The following FRMPD2 variants were observed in gnomAD, a reference collection of about 807,000 sequenced individuals.
The protein encoded by FRMPD2 is FERM and PDZ domain containing 2.
FRMPD2 carries 96 observed loss-of-function variants against 140.1 expected under a neutral mutation model. The ratio of observed to expected loss-of-function variants is 0.69; its 90% confidence interval spans 0.58 to 0.81. The LOEUF is 0.81. Among genes scored for constraint, FRMPD2 ranks in the 40% least tolerant of loss-of-function variants. The pLI is 0.00. For missense variants in FRMPD2, 1,240 were observed against 1,447.4 expected (o/e 0.86, Z 2.32); for synonymous variants, 449 against 547.6 (o/e 0.82, Z 2.52).
chr10:48,176,883 CA>C (rs1838423053), intron 22 of FRMPD2, among the ~76,000 whole-genome samples: 1 of 151,950 alleles, frequency 6.6e-6, no homozygotes, highest in South Asian at 2.1e-4. Context: ...GCTTAGGGTC[CA>C]AGAAAACACA....
intron 12 of FRMPD2, among the ~76,000 whole-genome samples, chr10:48,218,867 G>T (rs928737876): frequency 7.2e-5 from 11 of 152,186 alleles, no homozygotes; most frequent in African/African-American, 2.7e-4. Context: ...ATGCTGGGAG[G>T]CTGAGAAAGA....
intron 16 of FRMPD2, among the ~76,000 whole-genome samples, chr10:48,188,770 T>C (rs1423556833): frequency 1.3e-5 from 2 of 152,222 alleles, no homozygotes; most frequent in African/African-American, 4.8e-5. Flanking sequence ...CCTGGGTTTT[T>C]ATGACCCATG....
intron 28 of FRMPD2, chr10:48,159,174 G>A (rs1378424333): frequency 4.4e-6 from 2 of 456,280 alleles, no homozygotes; most frequent in Non-Finnish European, 8.8e-6. Flanking sequence ...TGACACAGCT[G>A]GGAGCCCCAG....
chr10:48,243,504 C>G (rs1446513445), intron 4 of FRMPD2, among the ~76,000 whole-genome samples: 1 of 152,166 alleles, frequency 6.6e-6, no homozygotes, highest in Non-Finnish European at 1.5e-5. Flanking sequence ...ACAGTGATAG[C>G]AGAGCATTAA....
At chr10:48,222,622 C>A (rs1258595509) in intron 11 of FRMPD2, among the ~76,000 whole-genome samples, 171 bp from the exon 12 acceptor site, 4 of 152,210 alleles carry the variant, frequency 2.6e-5, no homozygotes, top group Non-Finnish European at 5.9e-5. Context: ...TGCATTTATA[C>A]CATGCCTCCT....
intron 16 of FRMPD2, 109 bp downstream of exon 16, chr10:48,192,575 A>G (rs1171664657): frequency 1.0e-6 from 1 of 1,002,668 alleles, no homozygotes; most frequent in East Asian, 2.6e-5. Context: ...GGGCAACAAG[A>G]GCAAAACTCA....
intron 14 of FRMPD2, among the ~76,000 whole-genome samples, chr10:48,203,549 G>T (rs1373052724): frequency 6.6e-6 from 1 of 152,084 alleles, no homozygotes; most frequent in East Asian, 1.9e-4. Flanking sequence ...TTCATGGCAG[G>T]TGCTTCTGTA....
chr10:48,237,892 C>T, intron 8 of FRMPD2, 99 bp downstream of exon 8: 1 of 1,412,858 alleles, frequency 7.1e-7, no homozygotes, highest in Non-Finnish European at 1.0e-6. Context: ...GGAAGTTGTC[C>T]CCTAGAAGAC....
intron 22 of FRMPD2, among the ~76,000 whole-genome samples, chr10:48,177,107 C>CT (rs797028246): frequency 0.055 from 7,165 of 130,662 alleles, 439 homozygotes; most frequent in African/African-American, 0.13. Context: ...TAATGGATCA[C>CT]TTTTTTTTTT....
chr10:48,263,663 C>T (rs1840634325), intron 1 of FRMPD2, among the ~76,000 whole-genome samples: 1 of 152,032 alleles, frequency 6.6e-6, no homozygotes, highest in South Asian at 2.1e-4. Context: ...TAATGGCCTT[C>T]CAAAACATAA....
At chr10:48,183,503 T>C (rs1002925568) in intron 20 of FRMPD2, among the ~76,000 whole-genome samples, 2 of 152,216 alleles carry the variant, frequency 1.3e-5, no homozygotes, top group East Asian at 1.9e-4. Flanking sequence ...ACTCTTTAGG[T>C]TGATCAGGAA....
chr10:48,182,437 T>G (rs1838574826), intron 20 of FRMPD2, among the ~76,000 whole-genome samples: 1 of 152,230 alleles, frequency 6.6e-6, no homozygotes, highest in Admixed American at 6.5e-5. Flanking sequence ...CCATGACAGA[T>G]GCTCATGATG....
chr10:48,170,628 G>A (rs1463072964), intron 26 of FRMPD2, among the ~76,000 whole-genome samples: 1 of 150,392 alleles, frequency 6.6e-6, no homozygotes, highest in Non-Finnish European at 1.5e-5. Context: ...TGTATGAAAA[G>A]CTGTAAATGT....
intron 14 of FRMPD2, among the ~76,000 whole-genome samples, chr10:48,203,344 A>C (rs1414860733): frequency 2.6e-5 from 4 of 152,192 alleles, no homozygotes; most frequent in African/African-American, 4.8e-5. Context: ...CCATCATTTA[A>C]TGGAAAATTC....
intron 1 of FRMPD2, among the ~76,000 whole-genome samples, chr10:48,266,215 G>C (rs1358924127): frequency 6.6e-6 from 1 of 152,120 alleles, no homozygotes; most frequent in Non-Finnish European, 1.5e-5. Context: ...GGTCCTACTT[G>C]AGGATGAAGA....
chr10:48,181,062 T>G, intron 20 of FRMPD2, 54 bp from the exon 21 acceptor site: 6 of 1,262,824 alleles, frequency 4.8e-6, no homozygotes, highest in Non-Finnish European at 7.0e-6. Context: ...GGTTTCTTGG[T>G]GGCATCTCTA....
intron 1 of FRMPD2, among the ~76,000 whole-genome samples, chr10:48,273,480 C>T (rs1840801954): frequency 6.6e-6 from 1 of 152,162 alleles, no homozygotes; most frequent in Admixed American, 6.5e-5. Context: ...GCATGCTTTA[C>T]TTATTCATGC....
At chr10:48,220,078 A>G (rs1352701712) in intron 12 of FRMPD2, among the ~76,000 whole-genome samples, 1 of 152,254 alleles carries the variant, frequency 6.6e-6, no homozygotes, top group Non-Finnish European at 1.5e-5. Flanking sequence ...ATGTCTGGGT[A>G]AATGCCAGGT....
intron 18 of FRMPD2, among the ~76,000 whole-genome samples, chr10:48,185,309 G>GA (rs934394504): frequency 6.6e-6 from 1 of 152,050 alleles, no homozygotes; most frequent in Non-Finnish European, 1.5e-5. Flanking sequence ...GGTATTAGGG[G>GA]AAAAAATCTT....
Sources: gnomAD v4.1 joint callset for allele counts (sites outside exome capture counted in the v4.1 genomes callset) on GRCh38, gnomAD v4.1.1 for gene constraint, MANE v1.5 for transcripts, NCBI Gene and HGNC (gene_info 2026-07-23, HGNC 2026-07-21) for gene names.